EBF3: variants seen among roughly 807,000 people sequenced by gnomAD.
The protein encoded by EBF3 is transcription factor COE3.
In EBF3, 18 loss-of-function variants were observed where a neutral mutation model predicts 77.1. That is an observed-to-expected ratio of 0.23 (90% CI 0.16 to 0.35). The LOEUF (loss-of-function observed/expected upper bound fraction) is 0.35. EBF3 is among the 10% of genes least tolerant of loss of function. The probability of loss-of-function intolerance (pLI) is 1.00; values close to 1 mark genes in which losing one functional copy is unlikely to be tolerated. For synonymous variants in EBF3, 350 were observed against 343.5 expected, an observed-to-expected ratio of 1.02 and a Z score of -0.21; for missense variants, 558 against 860.0, an observed-to-expected ratio of 0.65 and a Z score of 4.39.
In EBF3 at chr10:129,842,365, C is replaced by T. The variant is rs1336353106; in HGVS notation, c.1195-72G>A. ...CCAGCTGGCCGCACTCTCGGGGGCC[C>T]ACCATGGTGGCATCCCACTGTCCCT... is the stretch of plus-strand genomic sequence containing the variant. On this transcript the variant is annotated intron_variant, in intron 12 of 16. Coordinates refer to ENST00000440978, the MANE Select transcript of EBF3 (RefSeq NM_001375380.1). The surrounding 1 kb of genome is among the most constrained non-coding windows in gnomAD (Gnocchi z 4.4). The T allele has an allele frequency of 2.0e-6, 3 of 1,501,010 alleles. No homozygotes were observed. Among genetic ancestry groups the T allele is most frequent in the Non-Finnish European group, 2.7e-6 (3 of 1,125,098 alleles). The allele number at this position is 1,501,010 out of a possible 1,614,324, so 93.0% of individuals were successfully genotyped here.
At chr10:129,903,069 C>T (rs755685182) in intron 6 of EBF3, among the ~76,000 whole-genome samples, 40 of 152,246 alleles carry the variant, frequency 2.6e-4, no homozygotes, top group Admixed American at 6.5e-4. Flanking sequence ...GAGAACACAA[C>T]GCAATTCTGT....
At chr10:129,888,316 G>A (rs1193350231) in intron 6 of EBF3, among the ~76,000 whole-genome samples, 1 of 152,224 alleles carries the variant, frequency 6.6e-6, no homozygotes, top group African/African-American at 2.4e-5. Context: ...CTGGCGCGTC[G>A]AAGTTGCTTT....
At chr10:129,880,424 C>G (rs1266035532) in intron 6 of EBF3, among the ~76,000 whole-genome samples, 1 of 152,142 alleles carries the variant, frequency 6.6e-6, no homozygotes, top group Non-Finnish European at 1.5e-5. Context: ...TGCATGCACA[C>G]ATGCAGACAC....
chr10:129,959,090 C>T, intron 4 of EBF3, 83 bp from the exon 5 acceptor site: 1 of 1,546,888 alleles, frequency 6.5e-7, no homozygotes, highest in Non-Finnish European at 8.8e-7. Context: ...GCAGGCCTGG[C>T]TGGCAGCAGG....
At chr10:129,895,933 C>T (rs1012834731) in intron 6 of EBF3, among the ~76,000 whole-genome samples, 4 of 152,132 alleles carry the variant, frequency 2.6e-5, no homozygotes, top group South Asian at 2.1e-4. Context: ...GTCACAGATG[C>T]GGCGTGTGGA....
At chr10:129,887,216 G>A (rs939197025) in intron 6 of EBF3, among the ~76,000 whole-genome samples, 5 of 152,312 alleles carry the variant, frequency 3.3e-5, no homozygotes, top group East Asian at 1.9e-4. Flanking sequence ...AACTTTGCAC[G>A]TCACCTTTCA....
chr10:129,877,810 A>G lies in EBF3; in HGVS notation c.594T>C (p.Cys198=). The G allele has an allele frequency of 6.2e-7, 1 of 1,613,978 alleles. No homozygotes were observed. The highest frequency in any genetic ancestry group is 8.5e-7 in the Non-Finnish European group (1 of 1,179,998). ...LKFFLKCNQN[C]LKNAGNPRDM... ...CTCGAGGGTTGCCTGCATTCTTCAA[A>G]CAGTTCTGATTGCACTTGAGGAAAA... The change falls in exon 7 of 17, where the codon TGT becomes TGC. Residue 198 remains cysteine, a synonymous_variant. Transcript: ENST00000440978.
At chr10:129,849,044 G>A (rs1850668492) in intron 10 of EBF3, among the ~76,000 whole-genome samples, 2 of 152,208 alleles carry the variant, frequency 1.3e-5, no homozygotes. Context: ...CCAGCCTCAC[G>A]AAATTGCTGG....
Position 129,938,149 on chromosome 10 carries a change from T to C in EBF3, c.554+19109A>G, listed in dbSNP as rs565842351. ...ACTCTCTTCTGCTCCTGCTGAGTTT[T>C]TGTGCGAGGCTAGCCCCCCGCATGA... On this transcript the variant is annotated intron_variant, in intron 6 of 16. Transcript: ENST00000440978. This position sits in a 1 kb window ranked among gnomAD's most constrained non-coding sequence, Gnocchi z 5.1. Among the ~76,000 whole-genome samples, 49 of 152,260 alleles carry C rather than the reference T, an allele frequency of 3.2e-4. No homozygotes were observed. Among genetic ancestry groups the C allele is most frequent in the Admixed American group, 5.9e-4 (9 of 15,300 alleles).
At chr10:129,887,063 G>A (rs1391058861) in intron 6 of EBF3, among the ~76,000 whole-genome samples, 1 of 107,404 alleles carries the variant, frequency 9.3e-6, no homozygotes, top group Non-Finnish European at 2.1e-5. Context: ...GCGGGGGGGG[G>A]GGGGAGGTGA....
rs879274480 is a variant in EBF3 at position 129,935,986 on chromosome 10, C to G, written c.554+21272G>C. Among the ~76,000 whole-genome samples, 1 of 137,968 alleles carries G rather than the reference C, an allele frequency of 7.2e-6. No individual in the cohort carries two copies. The highest frequency in any genetic ancestry group is 6.8e-5 in the Admixed American group (1 of 14,698). The allele number at this position is 137,968 out of a possible 152,430, so 90.5% of individuals were successfully genotyped here. On this transcript the variant is annotated intron_variant, in intron 6 of 16. Transcript: ENST00000440978. The surrounding 1 kb of genome is among the most constrained non-coding windows in gnomAD (Gnocchi z 4.2). ...GGGGGCTTCCTGAAGCTGCCCCCCC[C>G]GCCCAACAATGCAGCTGGTGCCCAG...
At chr10:129,839,953 C>G (rs988213927) in intron 15 of EBF3, among the ~76,000 whole-genome samples, 1 of 152,200 alleles carries the variant, frequency 6.6e-6, no homozygotes, top group African/African-American at 2.4e-5. Context: ...CCTTCTCTTA[C>G]GTGGTCCCAC....
chr10:129,887,713 A>G (rs1853706887), intron 6 of EBF3, among the ~76,000 whole-genome samples: 1 of 152,136 alleles, frequency 6.6e-6, no homozygotes, highest in Non-Finnish European at 1.5e-5. Flanking sequence ...ACCAAAATGA[A>G]TATTTTATGA....
chr10:129,933,665 C>T (rs774975618), intron 6 of EBF3, among the ~76,000 whole-genome samples: 3 of 152,212 alleles, frequency 2.0e-5, no homozygotes, highest in African/African-American at 7.2e-5. Flanking sequence ...TTTCCTAAGG[C>T]CCCATACCAA....
chr10:129,912,457 C>T (rs1273840006), intron 6 of EBF3, among the ~76,000 whole-genome samples: 3 of 152,158 alleles, frequency 2.0e-5, no homozygotes, highest in Non-Finnish European at 4.4e-5. Flanking sequence ...AAACAGATCT[C>T]TTGTCTACAA....
At chr10:129,946,206 C>T (rs1858212462) in intron 6 of EBF3, among the ~76,000 whole-genome samples, 1 of 152,232 alleles carries the variant, frequency 6.6e-6, no homozygotes, top group Non-Finnish European at 1.5e-5. Context: ...CGCGGACCCG[C>T]CCTGGCGACT....
chr10:129,908,046 CTGATA>C (rs1026424015), intron 6 of EBF3, among the ~76,000 whole-genome samples: 1 of 152,162 alleles, frequency 6.6e-6, no homozygotes, highest in Non-Finnish European at 1.5e-5. Flanking sequence ...CATTTCTCCT[CTGATA>C]TGTTACCTTG....
chr10:129,853,465 G>A (rs968576715), intron 10 of EBF3, among the ~76,000 whole-genome samples: 6 of 152,106 alleles, frequency 3.9e-5, no homozygotes, highest in East Asian at 3.9e-4. Context: ...TTGTCATAAC[G>A]CAGTAATTTT....
chr10:129,849,192 T>C (rs1049277284), intron 10 of EBF3, among the ~76,000 whole-genome samples: 4 of 152,218 alleles, frequency 2.6e-5, no homozygotes, highest in African/African-American at 7.2e-5. Context: ...GCACACACTG[T>C]GTTTAACAAG....
Sources: allele counts gnomAD v4.1 joint callset (sites outside exome capture counted in the v4.1 genomes callset), GRCh38; gene constraint gnomAD v4.1.1; non-coding constraint Gnocchi (gnomAD v3.1); transcripts MANE v1.5; gene names NCBI Gene and HGNC (gene_info 2026-07-23, HGNC 2026-07-21).